The following RBFOX1 variants were observed in gnomAD, a reference collection of about 807,000 sequenced individuals.
RBFOX1 encodes RNA binding fox-1 homolog 1.
In RBFOX1, 8 loss-of-function variants were observed where a neutral mutation model predicts 57.7. That is an observed-to-expected ratio of 0.14 (90% confidence interval 0.08 to 0.25). The LOEUF is 0.25. Among genes scored for constraint, RBFOX1 ranks in the 10% least tolerant of loss-of-function variants. The pLI is 1.00. For missense variants in RBFOX1, 611 were observed against 548.5 expected, an observed-to-expected ratio of 1.11 and a Z score of -1.14; for synonymous variants, 326 against 222.4, an observed-to-expected ratio of 1.47 and a Z score of -4.15.
intron 2 of RBFOX1, among the ~76,000 whole-genome samples, chr16:6,505,168 T>C (rs2096058143): frequency 6.6e-6 from 1 of 152,240 alleles, no homozygotes; most frequent in South Asian, 2.1e-4. Context: ...GTTATGCAGT[T>C]TCTTGCTCAG....
chr16:7,397,601 C>T (rs1022133204), intron 4 of RBFOX1, among the ~76,000 whole-genome samples: 3 of 152,158 alleles, frequency 2.0e-5, no homozygotes, highest in Non-Finnish European at 2.9e-5. Context: ...ACACTAAAAT[C>T]AATACTTTTC....
At chr16:5,702,209 A>T (rs2151484266) in intron 3 of RBFOX1, among the ~76,000 whole-genome samples, 1 of 152,340 alleles carries the variant, frequency 6.6e-6, no homozygotes, top group East Asian at 1.9e-4. Context: ...AGGAGGCATG[A>T]CTGGGAGACC....
intron 3 of RBFOX1, among the ~76,000 whole-genome samples, chr16:6,675,998 G>C (rs2057577755): frequency 6.6e-6 from 1 of 152,118 alleles, no homozygotes; most frequent in South Asian, 2.1e-4. Context: ...AGGGCGATGG[G>C]AGAGGAGAGG....
At chr16:6,896,855 C>T (rs1375933176) in intron 3 of RBFOX1, among the ~76,000 whole-genome samples, 3 of 152,100 alleles carry the variant, frequency 2.0e-5, no homozygotes, top group African/African-American at 7.2e-5. Context: ...ATATAAAAAT[C>T]AGTGGAAGAG....
At chr16:7,003,774 T>A (rs1173698728) in intron 3 of RBFOX1, among the ~76,000 whole-genome samples, 1 of 152,174 alleles carries the variant, frequency 6.6e-6, no homozygotes, top group Non-Finnish European at 1.5e-5. Context: ...AGTCTAATTT[T>A]ATTAATAGAA....
intron 4 of RBFOX1, among the ~76,000 whole-genome samples, chr16:7,145,719 T>G (rs1183127204): frequency 6.6e-6 from 1 of 152,136 alleles, no homozygotes; most frequent in African/African-American, 2.4e-5. Flanking sequence ...AAATGTATCT[T>G]TAAGCTTGAC....
intron 2 of RBFOX1, among the ~76,000 whole-genome samples, chr16:5,562,017 A>C (rs764414384): frequency 3.3e-5 from 5 of 152,176 alleles, no homozygotes; most frequent in Non-Finnish European, 4.4e-5. Context: ...GTGTGAAGAC[A>C]CAGGGAAACT....
intron 1 of RBFOX1, among the ~76,000 whole-genome samples, chr16:5,348,957 T>C (rs540453933): frequency 2.0e-5 from 3 of 152,360 alleles, no homozygotes; most frequent in Admixed American, 2.0e-4. Context: ...CTGGATCATA[T>C]GGTACTTCTG....
At position 6,859,395 on chromosome 16, in the gene RBFOX1, C is replaced by T. The variant is rs973625562; in HGVS notation, c.-15-192662C>T. Among the ~76,000 whole-genome samples, 6 of 151,736 alleles carry T rather than the reference C, an allele frequency of 4.0e-5. No homozygotes were observed. The South Asian group carries it at 1.2e-3, about 32-fold the overall frequency. Reference sequence around the variant, plus strand: ...CAAACAGATGACGCTTTTGCCCATACTTGGCTCTAATATCATAATTGATTT... The same window carrying T: ...CAAACAGATGACGCTTTTGCCCATATTTGGCTCTAATATCATAATTGATTT... On this transcript the variant is annotated intron_variant, in intron 3 of 15. Coordinates refer to ENST00000550418, the MANE Select transcript of RBFOX1 (RefSeq NM_018723.4).
At chr16:6,257,716 C>G (rs2097676947) in intron 1 of RBFOX1, among the ~76,000 whole-genome samples, 1 of 152,130 alleles carries the variant, frequency 6.6e-6, no homozygotes, top group South Asian at 2.1e-4. Flanking sequence ...AGGACAATGG[C>G]CTCCAGCTCC....
At chr16:5,537,329 C>G (rs1381779869) in intron 2 of RBFOX1, among the ~76,000 whole-genome samples, 1 of 152,182 alleles carries the variant, frequency 6.6e-6, no homozygotes. Flanking sequence ...GTTACAGCAG[C>G]ACATCACTTC....
intron 1 of RBFOX1, among the ~76,000 whole-genome samples, chr16:6,044,023 G>C (rs1384762544): frequency 2.0e-5 from 3 of 152,138 alleles, no homozygotes; most frequent in Non-Finnish European, 4.4e-5. Flanking sequence ...GTTTCCCGGT[G>C]CTCTGCCTAC....
At chr16:7,542,592 C>A (rs1048960610) in intron 5 of RBFOX1, among the ~76,000 whole-genome samples, 1 of 151,318 alleles carries the variant, frequency 6.6e-6, no homozygotes, top group African/African-American at 2.4e-5. Context: ...CAGTGGCTCA[C>A]ACCTGTAATC....
At chr16:5,812,945 T>C (rs1406797110) in intron 3 of RBFOX1, among the ~76,000 whole-genome samples, 1 of 152,234 alleles carries the variant, frequency 6.6e-6, no homozygotes, top group Non-Finnish European at 1.5e-5. Flanking sequence ...TTTTGGGTTG[T>C]TGATTTTCTT....
At chr16:7,584,440 C>T (rs1260842599) in intron 6 of RBFOX1, among the ~76,000 whole-genome samples, 2 of 152,116 alleles carry the variant, frequency 1.3e-5, no homozygotes, top group Non-Finnish European at 2.9e-5. Flanking sequence ...TTACAGGCTC[C>T]TACCACCATG....
intron 1 of RBFOX1, among the ~76,000 whole-genome samples, chr16:6,234,608 A>T (rs746004492): frequency 4.6e-5 from 7 of 152,152 alleles, no homozygotes; most frequent in Non-Finnish European, 1.0e-4. Context: ...AATGTTCTGG[A>T]GAATAATGAC....
intron 2 of RBFOX1, among the ~76,000 whole-genome samples, chr16:6,512,636 C>T (rs970533653): frequency 2.0e-5 from 3 of 152,276 alleles, no homozygotes; most frequent in Non-Finnish European, 4.4e-5. Context: ...CAGAGTTCTC[C>T]CAAGAAAATG....
chr16:7,372,719 C>G (rs925984941), intron 4 of RBFOX1, among the ~76,000 whole-genome samples: 1 of 151,138 alleles, frequency 6.6e-6, no homozygotes, highest in Non-Finnish European at 1.5e-5. Context: ...TGAGGGCTTA[C>G]AGAAAATTTT....
intron 2 of RBFOX1, among the ~76,000 whole-genome samples, chr16:6,528,699 C>T (rs1280510338): frequency 6.6e-6 from 1 of 152,158 alleles, no homozygotes; most frequent in African/African-American, 2.4e-5. Context: ...GTTTCTCAAC[C>T]ACTCCAGTAT....
Sources: allele counts gnomAD v4.1 joint callset (sites outside exome capture counted in the v4.1 genomes callset), GRCh38; gene constraint gnomAD v4.1.1; transcripts MANE v1.5; gene names NCBI Gene and HGNC (gene_info 2026-07-23, HGNC 2026-07-21).